Variants in RPS6KA2 observed in about 807,000 individuals in gnomAD.
RPS6KA2 encodes ribosomal protein S6 kinase A2, also known as ribosomal protein S6 kinase alpha-2.
RPS6KA2 carries 42 observed loss-of-function variants against 91.8 expected under a neutral mutation model. That is an observed-to-expected ratio of 0.46 (90% CI 0.36 to 0.59). The LOEUF is 0.59. RPS6KA2 is among the 20% of genes least tolerant of loss of function. The pLI is 0.00. For synonymous variants in RPS6KA2, 414 were observed against 393.6 expected (o/e 1.05, Z -0.61); for missense variants, 798 against 978.5 (o/e 0.82, Z 2.46).
rs1283331286 is a variant in RPS6KA2 at position 166,726,246 on chromosome 6, G to C, written c.123+131954C>G. On this transcript the variant is annotated intron_variant, in intron 2 of 21. Coordinates refer to the RPS6KA2 transcript ENST00000503859. This position sits in a 1 kb window ranked among gnomAD's most constrained non-coding sequence, Gnocchi z 4.4. ...ATGTGGTAGAAGAATAAACTGAAAA[G>C]CAGACAGTACCTAGGACAAGGACAG... Among the ~76,000 whole-genome samples the C allele has an allele frequency of 6.6e-6, 1 of 151,998 alleles. No individual in the cohort carries two copies. Among genetic ancestry groups the C allele is most frequent in the Non-Finnish European group, 1.5e-5 (1 of 68,016 alleles).
intron 4 of RPS6KA2, among the ~76,000 whole-genome samples, chr6:166,509,865 C>T (rs1231259448): frequency 6.6e-6 from 1 of 152,190 alleles, no homozygotes; most frequent in Admixed American, 6.5e-5. Flanking sequence ...GAACTACTAT[C>T]TTTAAACATG....
intron 2 of RPS6KA2, among the ~76,000 whole-genome samples, chr6:166,837,279 G>A (rs910280860): frequency 3.3e-5 from 5 of 151,886 alleles, no homozygotes; most frequent in African/African-American, 9.7e-5. Context: ...GCCCTTCCCC[G>A]GGGTGGAAGG....
At chr6:166,806,164 G>A (rs577450043) in intron 2 of RPS6KA2, among the ~76,000 whole-genome samples, 7 of 152,262 alleles carry the variant, frequency 4.6e-5, no homozygotes, top group Non-Finnish European at 1.0e-4. Context: ...CATTATAGGA[G>A]TCACAGAATG....
At chr6:166,614,633 T>C (rs1051120617) in intron 1 of RPS6KA2, among the ~76,000 whole-genome samples, 2 of 152,262 alleles carry the variant, frequency 1.3e-5, no homozygotes, top group Non-Finnish European at 2.9e-5. Context: ...ACACAGGGTT[T>C]TCCCTCCCAG....
intron 2 of RPS6KA2, among the ~76,000 whole-genome samples, chr6:166,744,277 T>C (rs559446972): frequency 6.6e-6 from 1 of 152,190 alleles, no homozygotes; most frequent in African/African-American, 2.4e-5. Context: ...GCAGGGTCCC[T>C]GGCTCTCCAA....
intron 2 of RPS6KA2, among the ~76,000 whole-genome samples, chr6:166,819,594 T>C (rs1215029196): frequency 6.6e-6 from 1 of 152,172 alleles, no homozygotes; most frequent in African/African-American, 2.4e-5. Flanking sequence ...TGTGTGTAGA[T>C]AGGGCACAGT....
chr6:166,756,639 G>T (rs2128601221), intron 2 of RPS6KA2, among the ~76,000 whole-genome samples: 1 of 152,260 alleles, frequency 6.6e-6, no homozygotes, highest in South Asian at 2.1e-4. Flanking sequence ...CCTGAGGTCA[G>T]GAGTTCGAGA....
intron 2 of RPS6KA2, among the ~76,000 whole-genome samples, chr6:166,779,808 G>C (rs112825194): frequency 6.6e-6 from 1 of 152,154 alleles, no homozygotes; most frequent in Admixed American, 6.5e-5. Context: ...GGGCGGCCAA[G>C]AGAAATAACG....
intron 2 of RPS6KA2, among the ~76,000 whole-genome samples, chr6:166,824,195 G>A (rs1779976700): frequency 6.6e-6 from 1 of 152,184 alleles, no homozygotes; most frequent in African/African-American, 2.4e-5. Context: ...TACCCGAGGT[G>A]TCATGTATAA....
chr6:166,452,280 C>T (rs1288464481), intron 12 of RPS6KA2, among the ~76,000 whole-genome samples: 1 of 151,978 alleles, frequency 6.6e-6, no homozygotes, highest in Non-Finnish European at 1.5e-5. Context: ...AGTAATTCTA[C>T]AGAATTACTT....
At chr6:166,743,272 G>A (rs545205487) in intron 2 of RPS6KA2, among the ~76,000 whole-genome samples, 5 of 152,274 alleles carry the variant, frequency 3.3e-5, no homozygotes, top group Admixed American at 2.0e-4. Context: ...CTCACACTGC[G>A]GGACTTCAAA....
chr6:166,823,423 A>G (rs1779952436), intron 2 of RPS6KA2, among the ~76,000 whole-genome samples: 1 of 131,738 alleles, frequency 7.6e-6, no homozygotes, highest in Non-Finnish European at 1.6e-5. Context: ...TATGCACTGT[A>G]TTGGTTTTGC....
In RPS6KA2 at chr6:166,554,679, G is replaced by A. The variant is rs894789616; in HGVS notation, c.100-15895C>T. Among the ~76,000 whole-genome samples the A allele has an allele frequency of 1.3e-5, 2 of 152,200 alleles. No individual in the cohort carries two copies. Among genetic ancestry groups the A allele is most frequent in the African/African-American group, 4.8e-5 (2 of 41,454 alleles). ...CCTCCACTGCAGCCTGAAAGCAGGG[G>A]GCAAAACCAACCTGCTGTCTGAAAG... On this transcript the variant is annotated intron_variant, in intron 1 of 20. Coordinates refer to ENST00000265678, the MANE Select transcript of RPS6KA2 (RefSeq NM_021135.6). The surrounding 1 kb of genome is among the most constrained non-coding windows in gnomAD (Gnocchi z 4.3).
At chr6:166,431,492 T>C (rs1435472906) in intron 15 of RPS6KA2, among the ~76,000 whole-genome samples, 2 of 152,110 alleles carry the variant, frequency 1.3e-5, no homozygotes, top group African/African-American at 4.8e-5. Flanking sequence ...CTAGGCAGAG[T>C]CCAGGGCGAA....
rs2128591166 is a variant in RPS6KA2 at position 166,737,322 on chromosome 6, C to T, written c.123+120878G>A. ...ATCGTGTGGCTGCCATGACCCTTCA[C>T]CCCAGCGGCAGCCTGGTGTGATAAT... On this transcript the variant is annotated intron_variant, in intron 2 of 21. Coordinates refer to the RPS6KA2 transcript ENST00000503859. The surrounding 1 kb of genome is among the most constrained non-coding windows in gnomAD (Gnocchi z 4.3). Among the ~76,000 whole-genome samples, 1 of 152,318 alleles carries T rather than the reference C, an allele frequency of 6.6e-6. No homozygotes were observed. The highest frequency in any genetic ancestry group is 1.9e-4 in the East Asian group (1 of 5,188).
intron 11 of RPS6KA2, among the ~76,000 whole-genome samples, chr6:166,467,674 G>A (rs959605283): frequency 6.6e-6 from 1 of 152,174 alleles, no homozygotes; most frequent in Non-Finnish European, 1.5e-5. Context: ...GGATGGGAGG[G>A]GTGAGGTGTG....
chr6:166,487,289 G>T (rs1450521601), intron 10 of RPS6KA2, among the ~76,000 whole-genome samples: 1 of 152,234 alleles, frequency 6.6e-6, no homozygotes, highest in Non-Finnish European at 1.5e-5. Context: ...CTGGCAGACA[G>T]TGACGGCAGA....
Position 166,733,151 on chromosome 6 carries a change from G to A in RPS6KA2, c.123+125049C>T, listed in dbSNP as rs1790580937. On this transcript the variant is annotated intron_variant, in intron 2 of 21. Coordinates refer to the RPS6KA2 transcript ENST00000503859. This position sits in a 1 kb window ranked among gnomAD's most constrained non-coding sequence, Gnocchi z 4.1. ...GCCAAACCATTGCACATCATTTTGA[G>A]CCTTCAGAACATGATATCAAATTAT... is the stretch of plus-strand genomic sequence containing the variant. 6.6e-6 allele frequency among the ~76,000 whole-genome samples: 1 copy of A among 152,162 alleles called. No homozygotes were observed. The highest frequency in any genetic ancestry group is 1.5e-5 in the Non-Finnish European group (1 of 68,032).
intron 1 of RPS6KA2, among the ~76,000 whole-genome samples, chr6:166,622,514 A>G (rs563239898): frequency 6.6e-6 from 1 of 152,316 alleles, no homozygotes; most frequent in Admixed American, 6.5e-5. Flanking sequence ...TATCTTAATT[A>G]GAAATGGTTT....
Sources: allele counts gnomAD v4.1 joint callset (sites outside exome capture counted in the v4.1 genomes callset), GRCh38; gene constraint gnomAD v4.1.1; non-coding constraint Gnocchi (gnomAD v3.1); transcripts MANE v1.5; gene names NCBI Gene and HGNC (gene_info 2026-07-23, HGNC 2026-07-21).